Variants in CACNA2D3 observed in about 807,000 individuals in gnomAD.
The protein encoded by CACNA2D3 is voltage-dependent calcium channel subunit alpha-2/delta-3.
In CACNA2D3, 60 loss-of-function variants were observed where a neutral mutation model predicts 160.6. The observed-to-expected ratio is 0.37, with a 90% CI of 0.30 to 0.46. The LOEUF is 0.46. Among genes scored for constraint, CACNA2D3 ranks in the 20% least tolerant of loss-of-function variants. The pLI is 1.00. For missense variants in CACNA2D3, 1,205 were observed against 1,365.0 expected (o/e 0.88, Z 1.85); for synonymous variants, 558 against 492.9 (o/e 1.13, Z -1.75).
rs143018341 is a variant in CACNA2D3 at position 54,982,879 on chromosome 3, T to G, written c.2557-1729T>G. Among the ~76,000 whole-genome samples, 193 of 152,172 alleles carry G rather than the reference T, an allele frequency of 1.3e-3. 1 individual carries two copies. The highest frequency in any genetic ancestry group is 6.8e-3 in the Middle Eastern group (2 of 294). ...ACCAGAGGTCACACTCATCGCCACT[T>G]TGGTTTTGGTGGGTTTTAGCCGGCT... On this transcript the variant is annotated intron_variant, in intron 29 of 37. Coordinates refer to ENST00000474759, the MANE Select transcript of CACNA2D3 (RefSeq NM_018398.3).
At chr3:54,793,240 G>A (rs930781982) in intron 13 of CACNA2D3, among the ~76,000 whole-genome samples, 9 of 152,196 alleles carry the variant, frequency 5.9e-5, no homozygotes, top group African/African-American at 1.9e-4. Context: ...TCCTGTCGTC[G>A]TAAATACTTG....
At chr3:54,529,013 C>T (rs1316345609) in intron 5 of CACNA2D3, among the ~76,000 whole-genome samples, 1 of 152,150 alleles carries the variant, frequency 6.6e-6, no homozygotes, top group African/African-American at 2.4e-5. Context: ...CACCTTTAAC[C>T]CCCTACTGAC....
At chr3:54,993,504 G>A (rs1212091965) in intron 31 of CACNA2D3, among the ~76,000 whole-genome samples, 2 of 152,208 alleles carry the variant, frequency 1.3e-5, no homozygotes, top group African/African-American at 4.8e-5. Flanking sequence ...GAGCCAGGGA[G>A]ACCGAAGGGA....
chr3:54,939,952 T>A (rs1454520186), intron 27 of CACNA2D3, among the ~76,000 whole-genome samples: 1 of 152,204 alleles, frequency 6.6e-6, no homozygotes, highest in Non-Finnish European at 1.5e-5. Flanking sequence ...CTTTCCATGA[T>A]GGATTTCTAG....
chr3:54,959,110 C>T (rs979605919), intron 27 of CACNA2D3, among the ~76,000 whole-genome samples: 6 of 152,172 alleles, frequency 3.9e-5, no homozygotes, highest in Non-Finnish European at 8.8e-5. Context: ...CAGCAAAAAA[C>T]CCCTTTATCT....
chr3:54,334,887 C>T (rs1704340791), intron 3 of CACNA2D3, among the ~76,000 whole-genome samples: 1 of 152,234 alleles, frequency 6.6e-6, no homozygotes, highest in Admixed American at 6.5e-5. Context: ...AGCTCAGATC[C>T]TGTCCTAGTC....
At chr3:54,329,284 G>A (rs1346016721) in intron 3 of CACNA2D3, among the ~76,000 whole-genome samples, 2 of 151,986 alleles carry the variant, frequency 1.3e-5, no homozygotes, top group African/African-American at 2.4e-5. Context: ...GCCTACTACG[G>A]TGCTTCAAAC....
At chr3:54,437,214 C>T (rs1253215598) in intron 4 of CACNA2D3, among the ~76,000 whole-genome samples, 2 of 152,082 alleles carry the variant, frequency 1.3e-5, no homozygotes, top group Non-Finnish European at 2.9e-5. Context: ...CTTTTTTATT[C>T]AATAGTTTTT....
intron 4 of CACNA2D3, among the ~76,000 whole-genome samples, chr3:54,464,356 G>A (rs1700571007): frequency 6.6e-6 from 1 of 152,170 alleles, no homozygotes; most frequent in African/African-American, 2.4e-5. Flanking sequence ...CTTTTTGTTT[G>A]TCTGTGCCCT....
intron 14 of CACNA2D3, among the ~76,000 whole-genome samples, chr3:54,828,193 G>A (rs190963918): frequency 2.0e-5 from 3 of 152,258 alleles, no homozygotes. Context: ...TGTTTTCAGG[G>A]CATCTACTTG....
chr3:54,515,103 A>G (rs1373371012), intron 5 of CACNA2D3, among the ~76,000 whole-genome samples: 1 of 151,986 alleles, frequency 6.6e-6, no homozygotes, highest in Admixed American at 6.6e-5. Context: ...CTCAAGAGAA[A>G]GGTCCCAAAG....
intron 13 of CACNA2D3, among the ~76,000 whole-genome samples, chr3:54,777,836 A>G (rs1014814055): frequency 6.6e-6 from 1 of 152,254 alleles, no homozygotes; most frequent in African/African-American, 2.4e-5. Flanking sequence ...TTATAAGTGC[A>G]GGGACATCTT....
rs562771198 is a variant in CACNA2D3, at chr3:54,436,518, G to A, written c.381+49744G>A. 2.0e-5 allele frequency among the ~76,000 whole-genome samples: 3 copies of A among 152,272 alleles called. No homozygotes were observed. The South Asian group carries it at 6.2e-4, about 32-fold the overall frequency. The stretch of plus-strand genomic sequence containing the variant: ...GCACTATTTACAATAGCAAAGACGT[G>A]GAACCAACCCAAATGCCCATCAATG... On this transcript the variant is annotated intron_variant, in intron 4 of 37. Coordinates refer to ENST00000474759, the MANE Select transcript of CACNA2D3 (RefSeq NM_018398.3).
chr3:54,512,210 C>G (rs1237025902), intron 5 of CACNA2D3, among the ~76,000 whole-genome samples: 5 of 152,090 alleles, frequency 3.3e-5, no homozygotes, highest in Admixed American at 1.3e-4. Context: ...CGGGCTCGCA[C>G]AGGGTGTGTG....
At chr3:55,045,714 T>G (rs975849388) in intron 35 of CACNA2D3, among the ~76,000 whole-genome samples, 1 of 152,194 alleles carries the variant, frequency 6.6e-6, no homozygotes, top group African/African-American at 2.4e-5. Flanking sequence ...ATTGCTCTTT[T>G]AGTGTCTGTA....
rs773030952 is a variant in CACNA2D3 at position 55,073,828 on chromosome 3, G to T, written c.3152G>T (p.Arg1051Leu). 1 of 1,613,622 alleles carries T rather than the reference G, an allele frequency of 6.2e-7. No homozygotes were observed. The highest frequency in any genetic ancestry group is 8.5e-7 in the Non-Finnish European group (1 of 1,179,766). ...ERLKAQKIRR[R>L]PESCHGFHPE... ...CTAAAGGCCCAGAAGATCAGAAGGC[G>T]CCCAGAATCTTGTCATGGCTTCCAT... Residue 1051 changes from arginine to leucine, a missense_variant, in exon 37 of 38, where the codon CGC (arginine) becomes CTC (leucine). Transcript: ENST00000474759.
intron 3 of CACNA2D3, among the ~76,000 whole-genome samples, chr3:54,340,390 G>A (rs1053905646): frequency 6.6e-6 from 1 of 152,250 alleles, no homozygotes; most frequent in African/African-American, 2.4e-5. Flanking sequence ...TTCAAAGTGA[G>A]TTGCAGACTT....
At chr3:54,996,842 A>G (rs1702869080) in intron 31 of CACNA2D3, among the ~76,000 whole-genome samples, 1 of 152,222 alleles carries the variant, frequency 6.6e-6, no homozygotes, top group South Asian at 2.1e-4. Flanking sequence ...CTATGCAGCC[A>G]TATAAAAGGA....
intron 2 of CACNA2D3, among the ~76,000 whole-genome samples, chr3:54,195,437 A>G (rs1701060979): frequency 6.6e-6 from 1 of 152,228 alleles, no homozygotes; most frequent in Non-Finnish European, 1.5e-5. Context: ...CAGAGATGCA[A>G]TGATAGACAC....
Sources: gnomAD v4.1 joint callset for allele counts (sites outside exome capture counted in the v4.1 genomes callset) on GRCh38, gnomAD v4.1.1 for gene constraint, MANE v1.5 for transcripts, NCBI Gene and HGNC (gene_info 2026-07-23, HGNC 2026-07-21) for gene names.